Variants in RBFOX1 observed in about 807,000 individuals in gnomAD.
The protein encoded by RBFOX1 is RNA binding fox-1 homolog 1, also known as RNA binding protein fox-1 homolog 1.
Under a neutral mutation model 57.7 loss-of-function variants are expected in RBFOX1, and 8 were observed. The ratio of observed to expected loss-of-function variants is 0.14; its 90% CI spans 0.08 to 0.25. RBFOX1 has a LOEUF of 0.25. RBFOX1 is among the 10% of genes least tolerant of loss of function. The pLI is 1.00. For synonymous variants in RBFOX1, 326 were observed against 222.4 expected (o/e 1.47, Z -4.15); for missense variants, 611 against 548.5 (o/e 1.11, Z -1.14).
chr16:6,324,295 G>T (rs184607345), intron 2 of RBFOX1, among the ~76,000 whole-genome samples: 1 of 152,216 alleles, frequency 6.6e-6, no homozygotes, highest in East Asian at 1.9e-4. Context: ...TGATAATGAG[G>T]AATTGAACTA....
intron 4 of RBFOX1, among the ~76,000 whole-genome samples, chr16:5,920,516 C>T (rs1211611957): frequency 6.6e-6 from 1 of 152,142 alleles, no homozygotes; most frequent in Non-Finnish European, 1.5e-5. Context: ...TATAGGGGAA[C>T]TGATCACAGC....
At chr16:6,920,986 A>C (rs970863344) in intron 3 of RBFOX1, among the ~76,000 whole-genome samples, 13 of 152,168 alleles carry the variant, frequency 8.5e-5, no homozygotes, top group African/African-American at 3.1e-4. Context: ...TAGTTACTGG[A>C]TAAGTTTGCC....
chr16:6,475,607 C>G (rs1003529999), intron 2 of RBFOX1, among the ~76,000 whole-genome samples: 1 of 152,282 alleles, frequency 6.6e-6, no homozygotes, highest in Admixed American at 6.5e-5. Context: ...TATGTTCTCC[C>G]ATCTCAATAT....
At chr16:5,738,263 T>G (rs1197274596) in intron 3 of RBFOX1, among the ~76,000 whole-genome samples, 3 of 150,890 alleles carry the variant, frequency 2.0e-5, no homozygotes, top group Non-Finnish European at 4.4e-5. Flanking sequence ...GTTTAGGGTA[T>G]CCATCACCCA....
intron 4 of RBFOX1, among the ~76,000 whole-genome samples, chr16:7,453,708 A>G (rs1347995340): frequency 1.3e-5 from 2 of 152,182 alleles, no homozygotes; most frequent in South Asian, 2.1e-4. Context: ...AGTGTAAGAC[A>G]GCATCCTTGC....
intron 3 of RBFOX1, among the ~76,000 whole-genome samples, chr16:5,775,965 C>G (rs2054133562): frequency 6.6e-6 from 1 of 152,108 alleles, no homozygotes; most frequent in Non-Finnish European, 1.5e-5. Flanking sequence ...TTTCAGCTCC[C>G]CAGGATGAGC....
chr16:7,394,774 T>A (rs2098114117), intron 4 of RBFOX1, among the ~76,000 whole-genome samples: 1 of 152,152 alleles, frequency 6.6e-6, no homozygotes, highest in African/African-American at 2.4e-5. Flanking sequence ...CAAGTCACTC[T>A]TTTTTCCTGG....
intron 1 of RBFOX1, among the ~76,000 whole-genome samples, chr16:6,034,424 C>T (rs550878846): frequency 1.0e-4 from 15 of 149,470 alleles, no homozygotes; most frequent in African/African-American, 3.0e-4. Context: ...GCTGGGAAGT[C>T]CATGATCAAG....
chr16:6,847,103 C>T (rs1603631815), intron 3 of RBFOX1, among the ~76,000 whole-genome samples: 1 of 152,110 alleles, frequency 6.6e-6, no homozygotes, highest in African/African-American at 2.4e-5. Flanking sequence ...TTTATCTTGC[C>T]TCAGTCAACC....
chr16:7,438,387 G>A (rs978190405), intron 4 of RBFOX1, among the ~76,000 whole-genome samples: 4 of 152,106 alleles, frequency 2.6e-5, no homozygotes, highest in African/African-American at 9.7e-5. Context: ...ATGATGGTGA[G>A]ACAGGTTCAT....
chr16:7,026,348 A>C (rs569542258), intron 3 of RBFOX1, among the ~76,000 whole-genome samples: 31 of 152,306 alleles, frequency 2.0e-4, no homozygotes, highest in Non-Finnish European at 4.1e-4. Context: ...TCCATGATGC[A>C]AGGGTTTTGC....
At chr16:6,898,300 C>G (rs954475894) in intron 3 of RBFOX1, among the ~76,000 whole-genome samples, 4 of 152,110 alleles carry the variant, frequency 2.6e-5, no homozygotes, top group Non-Finnish European at 5.9e-5. Context: ...TGCCCCTCCA[C>G]GACCTCTCAG....
chr16:5,655,193 C>A (rs929869189), intron 3 of RBFOX1, among the ~76,000 whole-genome samples: 8 of 152,176 alleles, frequency 5.3e-5, no homozygotes, highest in Admixed American at 2.0e-4. Flanking sequence ...ATTTGCACAC[C>A]ATCATATGCA....
intron 1 of RBFOX1, among the ~76,000 whole-genome samples, chr16:6,040,116 C>T (rs1308953837): frequency 2.0e-5 from 3 of 152,318 alleles, no homozygotes; most frequent in South Asian, 2.1e-4. Flanking sequence ...CACGTTATTA[C>T]ATTACATTTT....
intron 1 of RBFOX1, among the ~76,000 whole-genome samples, chr16:6,028,854 A>T (rs1402963922): frequency 6.6e-6 from 1 of 152,208 alleles, no homozygotes; most frequent in Non-Finnish European, 1.5e-5. Context: ...GAGAAGACTG[A>T]ATTCCCTGAG....
At chr16:7,698,910 G>A (rs1021507620) in intron 14 of RBFOX1, among the ~76,000 whole-genome samples, 7 of 152,082 alleles carry the variant, frequency 4.6e-5, no homozygotes, top group Non-Finnish European at 1.0e-4. Flanking sequence ...AATTAAAGAT[G>A]TCTAGATAGT....
chr16:5,720,981 T>C (rs925774387), intron 3 of RBFOX1, among the ~76,000 whole-genome samples: 3 of 152,294 alleles, frequency 2.0e-5, no homozygotes, highest in Middle Eastern at 3.4e-3. Context: ...CAAGTGAAAA[T>C]TTGGTAGGGA....
At chr16:6,524,209 A>G (rs2096547739) in intron 2 of RBFOX1, among the ~76,000 whole-genome samples, 1 of 151,976 alleles carries the variant, frequency 6.6e-6, no homozygotes. Flanking sequence ...TATCATTTTT[A>G]TTTCTAGATC....
chr16:6,557,136 TATAC>T (rs1358027247), intron 2 of RBFOX1, among the ~76,000 whole-genome samples: 1 of 145,710 alleles, frequency 6.9e-6, no homozygotes, highest in Admixed American at 6.9e-5. Context: ...CATATACATA[TATAC>T]ATATATACAC....
Sources: allele counts gnomAD v4.1 joint callset (sites outside exome capture counted in the v4.1 genomes callset), GRCh38; gene constraint gnomAD v4.1.1; transcripts MANE v1.5; gene names NCBI Gene and HGNC (gene_info 2026-07-23, HGNC 2026-07-21).